ECI2: variants seen among roughly 807,000 people sequenced by gnomAD.
ECI2 encodes D3,D2-enoyl-CoA isomerase.
In ECI2, 27 loss-of-function variants were observed where a neutral mutation model predicts 38.4. The ratio of observed to expected loss-of-function variants is 0.70; its 90% CI spans 0.52 to 0.97. The LOEUF is 0.97. Ranked by LOEUF, ECI2 falls within the 50% of genes least tolerant of loss-of-function variation. The probability of loss-of-function intolerance (pLI) is 0.00; values close to 1 mark genes in which losing one functional copy is unlikely to be tolerated. For synonymous variants in ECI2, 168 were observed against 172.0 expected (o/e 0.98, Z 0.18); for missense variants, 470 against 474.4 (o/e 0.99, Z 0.09).
rs761210017 is a variant in ECI2, at chr6:4,119,327, T to G, written c.796-52A>C. Reference sequence around the variant, plus strand: ...CCATCTTTTCATGTGTGATTTTTTTTTTTTTTTTTGAGACAAAGGGTTTCG... The same window carrying G: ...CCATCTTTTCATGTGTGATTTTTTTGTTTTTTTTTGAGACAAAGGGTTTCG... On this transcript the variant is annotated intron_variant, in intron 7 of 9. Coordinates refer to ENST00000380118, the MANE Select transcript of ECI2 (RefSeq NM_206836.3). 4 of 1,464,572 alleles carry G rather than the reference T, an allele frequency of 2.7e-6. No individual in the cohort carries two copies. The African/African-American group carries it at 4.4e-5, about 16-fold the overall frequency. 90.7% of individuals were successfully genotyped at this position (1,464,572 alleles called of 1,614,324 possible).
intron 5 of ECI2, among the ~76,000 whole-genome samples, chr6:4,127,480 C>A (rs1773245934): frequency 1.4e-5 from 2 of 138,128 alleles, no homozygotes; most frequent in African/African-American, 5.5e-5. Flanking sequence ...AGTGGCGCGA[C>A]CTCGGGTCAC....
chr6:4,133,518 C>A (rs1006421620), intron 2 of ECI2, 31 bp downstream of exon 2: 4 of 1,569,168 alleles, frequency 2.5e-6, no homozygotes, highest in Admixed American at 2.0e-5. Flanking sequence ...GCCCAAAATT[C>A]TTTAAATAAC....
chr6:4,132,964 A>G (rs1215880144), intron 2 of ECI2, among the ~76,000 whole-genome samples: 1 of 152,040 alleles, frequency 6.6e-6, no homozygotes, highest in African/African-American at 2.4e-5. Flanking sequence ...AGGTTTCACC[A>G]TGTTGGCCAG....
At position 4,133,658 on chromosome 6, in the gene ECI2, G is replaced by A; in HGVS notation, c.104C>T (p.Ala35Val). The change falls in exon 2 of 10, where the codon GCA becomes GTA. Residue 35 changes from alanine to valine, a missense_variant. Ala to Val is a moderately conservative substitution (Grantham distance 64, BLOSUM62 0). Transcript: ENST00000380118. ...PVVQLHMNRT[A>V]MRASQKDFEN... Reference sequence around the variant, plus strand: ...AAAGTCCTTCTGACTGGCTCTCATTGCTGTTCTATTCATGTGCAGCTGAAC... The same window carrying A: ...AAAGTCCTTCTGACTGGCTCTCATTACTGTTCTATTCATGTGCAGCTGAAC... 1.9e-6 allele frequency: 3 copies of A among 1,613,710 alleles called. No homozygotes were observed. Among genetic ancestry groups the A allele is most frequent in the Non-Finnish European group, 2.5e-6 (3 of 1,179,904 alleles).
intron 7 of ECI2, chr6:4,124,898 C>T: frequency 7.6e-6 from 3 of 394,202 alleles, no homozygotes; most frequent in South Asian, 5.6e-5. Flanking sequence ...TAAAAAGGAT[C>T]AACTAATCCC....
intron 8 of ECI2, 154 bp from the exon 9 acceptor site, chr6:4,117,605 A>C: frequency 1.0e-6 from 1 of 978,926 alleles, no homozygotes; most frequent in Non-Finnish European, 1.4e-6. Flanking sequence ...CTCAATAGGC[A>C]ACGGTTTGCA....
Position 4,125,524 on chromosome 6 carries a change from G to C in ECI2, c.675-154C>G. The C allele has an allele frequency of 2.8e-6, 3 of 1,081,146 alleles. No homozygotes were observed. In the East Asian group the frequency reaches 7.8e-5, roughly 28 times the overall value. 67.0% of individuals were successfully genotyped at this position (1,081,146 alleles called of 1,614,324 possible). ...GCCTCCTTGTCCTGCCACTTCCCTGGTCTTCCGCACCAGATTCATCCAGGG... is the reference window on the plus strand; with the variant it reads ...GCCTCCTTGTCCTGCCACTTCCCTGCTCTTCCGCACCAGATTCATCCAGGG... On this transcript the variant is annotated intron_variant, in intron 6 of 9. Transcript: ENST00000380118.
intron 7 of ECI2, among the ~76,000 whole-genome samples, chr6:4,122,744 C>T (rs1446619869): frequency 1.3e-5 from 2 of 152,218 alleles, no homozygotes; most frequent in Non-Finnish European, 2.9e-5. Flanking sequence ...GATCCACTTG[C>T]CCTGGCCTCC....
chr6:4,115,957 A>G lies in ECI2; in HGVS notation c.1102T>C (p.Cys368Arg). The G allele has an allele frequency of 6.2e-7, 1 of 1,614,198 alleles. No individual in the cohort carries two copies. Among genetic ancestry groups the G allele is most frequent in the East Asian group, 2.2e-5 (1 of 44,884 alleles). The change falls in exon 10 of 10, where the codon TGC becomes CGC. Residue 368 changes from cysteine (C) to arginine (R), a missense_variant. Coordinates refer to ENST00000380118, the MANE Select transcript of ECI2 (RefSeq NM_206836.3). ...AGCCATCTTCCCTGAAGGACATTGC[A>G]TTCTTCAGCATTAACAGCGTGTAGT... ...EKLHAVNAEE[C>R]NVLQGRWLSD... is the part of the protein sequence containing the mutation.
At chr6:4,133,442 A>G in intron 2 of ECI2, 107 bp downstream of exon 2, 1 of 1,377,118 alleles carries the variant, frequency 7.3e-7, no homozygotes, top group Non-Finnish European at 9.9e-7. Context: ...AGAGGGAGCA[A>G]GACAAACCAA....
chr6:4,123,863 G>A (rs2113983665), intron 7 of ECI2, among the ~76,000 whole-genome samples: 1 of 152,168 alleles, frequency 6.6e-6, no homozygotes, highest in African/African-American at 2.4e-5. Context: ...TCAGGAGGCT[G>A]AGTGGGAGAA....
In ECI2 at chr6:4,115,874, T is replaced by C. The variant is rs1561646262; in HGVS notation, c.1185A>G (p.Ter395TrpextTer1). 1.9e-6 allele frequency: 3 copies of C among 1,611,266 alleles called. No individual in the cohort carries two copies. Among genetic ancestry groups the C allele is most frequent in the Non-Finnish European group, 2.5e-6 (3 of 1,178,640 alleles). The part of the protein sequence containing the change: ...VNFLSRKSKL[*>W] The stretch of plus-strand genomic sequence containing the variant: ...ATGCTTTACTCTGCTGTAGTGGTCA[T>C]CACAGTTTTGATTTTCTGGATAAGA... The change falls in exon 10 of 10, where the codon TGA (stop) becomes TGG (tryptophan). Residue 395 changes from the stop codon to tryptophan, a stop_lost. Coordinates refer to ENST00000380118, the MANE Select transcript of ECI2 (RefSeq NM_206836.3).
intron 2 of ECI2, among the ~76,000 whole-genome samples, chr6:4,133,157 C>T (rs1482069476): frequency 6.6e-6 from 1 of 152,174 alleles, no homozygotes; most frequent in Non-Finnish European, 1.5e-5. Flanking sequence ...AAAATATCAA[C>T]ATTTTCTTAT....
chr6:4,130,509 A>T lies in ECI2; in HGVS notation c.364T>A (p.Leu122Met). 1 of 1,614,234 alleles carries T rather than the reference A, an allele frequency of 6.2e-7. No homozygotes were observed. Among genetic ancestry groups the T allele is most frequent in the Non-Finnish European group, 8.5e-7 (1 of 1,180,046 alleles). ...GGCTCCACCTGACTAGAGGATTCCA[A>T]TGAAGGACTCAAACTGGACACCAAA... ...VDLVSSLSPSLESSSQVEPGT... is the reference protein window; with the variant it reads ...VDLVSSLSPSMESSSQVEPGT... The change falls in exon 4 of 10, where the codon TTG becomes ATG. Residue 122 changes from leucine to methionine, a missense_variant. Physicochemically the swap from Leu to Met is conservative, Grantham distance 15. Coordinates refer to ENST00000380118, the MANE Select transcript of ECI2 (RefSeq NM_206836.3).
At chr6:4,116,912 A>C (rs957718883) in intron 9 of ECI2, among the ~76,000 whole-genome samples, 7 of 152,246 alleles carry the variant, frequency 4.6e-5, no homozygotes, top group Non-Finnish European at 8.8e-5. Context: ...CATTTTGAAT[A>C]GCAAGAATAT....
chr6:4,120,442 G>C (rs994311245), intron 7 of ECI2, among the ~76,000 whole-genome samples: 2 of 152,016 alleles, frequency 1.3e-5, no homozygotes, highest in African/African-American at 4.8e-5. Flanking sequence ...CATAGAAAAG[G>C]TAGGCCGGGT....
chr6:4,127,838 A>G lies in ECI2; in HGVS notation c.502-7T>C, dbSNP rs1462845601. The G allele has an allele frequency of 1.2e-6, 2 of 1,609,656 alleles. No individual in the cohort carries two copies. The highest frequency in any genetic ancestry group is 8.5e-7 in the Non-Finnish European group (1 of 1,178,274). ...GCATAATTTCATGATACATCTGTGT[A>G]ATGGGAAGACAAGGAAAAGAAAAGA... On this transcript the variant is annotated splice_region_variant and splice_polypyrimidine_tract_variant and intron_variant, in intron 4 of 9. Transcript: ENST00000380118.
intron 7 of ECI2, chr6:4,122,141 C>A: frequency 1.5e-6 from 1 of 645,180 alleles, no homozygotes; most frequent in Non-Finnish European, 2.6e-6. Flanking sequence ...TGGCGTCAGA[C>A]TACTTAGGGA....
At chr6:4,122,666 T>C (rs1334123866) in intron 7 of ECI2, among the ~76,000 whole-genome samples, 1 of 152,000 alleles carries the variant, frequency 6.6e-6, no homozygotes, top group African/African-American at 2.4e-5. Context: ...TGGCTAATTT[T>C]TGTATTTTTA....
Sources: gnomAD v4.1 joint callset for allele counts (sites outside exome capture counted in the v4.1 genomes callset) on GRCh38, gnomAD v4.1.1 for gene constraint, MANE v1.5 for transcripts, NCBI Gene and HGNC (gene_info 2026-07-23, HGNC 2026-07-21) for gene names.